The following KIAA0319 variants were observed in gnomAD, a reference collection of about 807,000 sequenced individuals.
KIAA0319 encodes dyslexia-associated protein KIAA0319.
In KIAA0319, 83 loss-of-function variants were observed where a neutral mutation model predicts 108.4. The ratio of observed to expected loss-of-function variants is 0.77; its 90% CI spans 0.64 to 0.92. KIAA0319 has a LOEUF of 0.92. KIAA0319 is among the 40% of genes least tolerant of loss of function. The pLI is 0.00. For missense variants in KIAA0319, 1,195 were observed against 1,322.4 expected (o/e 0.90, Z 1.49); for synonymous variants, 484 against 510.4 (o/e 0.95, Z 0.70).
chr6:24,633,182 G>C (rs1775791703), intron 1 of KIAA0319, among the ~76,000 whole-genome samples: 1 of 152,146 alleles, frequency 6.6e-6, no homozygotes, highest in African/African-American at 2.4e-5. Flanking sequence ...CTGGTGAAGG[G>C]TTAGCAAAGT....
chr6:24,580,261 G>T (rs113807554), intron 7 of KIAA0319, among the ~76,000 whole-genome samples: 1 of 152,118 alleles, frequency 6.6e-6, no homozygotes, highest in Non-Finnish European at 1.5e-5. Flanking sequence ...AGGGATTACA[G>T]TTCCAGCTCC....
intron 1 of KIAA0319, among the ~76,000 whole-genome samples, chr6:24,609,272 A>AG (rs1418209486): frequency 2.2e-5 from 3 of 135,406 alleles, no homozygotes; most frequent in Non-Finnish European, 4.8e-5. Flanking sequence ...TGTCTCAAAA[A>AG]CAAAAAAAAA....
At chr6:24,578,694 A>C (rs1361975305) in intron 8 of KIAA0319, among the ~76,000 whole-genome samples, 2 of 152,258 alleles carry the variant, frequency 1.3e-5, no homozygotes, top group African/African-American at 4.8e-5. Context: ...AATCCAGAGA[A>C]AGCTCACAGC....
chr6:24,617,856 G>A (rs946456052), intron 1 of KIAA0319, among the ~76,000 whole-genome samples: 14 of 152,028 alleles, frequency 9.2e-5, no homozygotes, highest in East Asian at 1.9e-4. Context: ...ATGTGGTGGC[G>A]CACACCTATA....
intron 1 of KIAA0319, among the ~76,000 whole-genome samples, chr6:24,609,325 T>C (rs912013235): frequency 7.3e-6 from 1 of 137,112 alleles, no homozygotes; most frequent in Non-Finnish European, 1.6e-5. Flanking sequence ...CGCAGTGGAA[T>C]CCCAGCACTT....
rs1371307668 is a variant in KIAA0319 at position 24,627,531 on chromosome 6, C to T, written c.-106+18205G>A. 2.6e-5 allele frequency among the ~76,000 whole-genome samples: 4 copies of T among 151,930 alleles called. No homozygotes were observed. In the South Asian group the frequency reaches 8.3e-4, roughly 32 times the overall value. On this transcript the variant is annotated intron_variant, in intron 1 of 20. Transcript: ENST00000378214. ...TCCTTCCTTGTTTTCTTCTGAAAGACATGATTATGGTCTGATAAACAGAGG... is the reference window on the plus strand; with the variant it reads ...TCCTTCCTTGTTTTCTTCTGAAAGATATGATTATGGTCTGATAAACAGAGG...
At chr6:24,597,294 G>T (rs996676309) in intron 2 of KIAA0319, among the ~76,000 whole-genome samples, 1 of 152,162 alleles carries the variant, frequency 6.6e-6, no homozygotes, top group Non-Finnish European at 1.5e-5. Context: ...TTTTAATGGT[G>T]GATAAATTGA....
chr6:24,557,415 A>T (rs1762460812), intron 17 of KIAA0319, among the ~76,000 whole-genome samples: 1 of 152,100 alleles, frequency 6.6e-6, no homozygotes, highest in African/African-American at 2.4e-5. Flanking sequence ...AGGCACGAGA[A>T]TCACTTGAAC....
At chr6:24,572,114 T>G (rs962232056) in intron 11 of KIAA0319, among the ~76,000 whole-genome samples, 1 of 152,256 alleles carries the variant, frequency 6.6e-6, no homozygotes, top group Non-Finnish European at 1.5e-5. Flanking sequence ...AGAAAAGTTC[T>G]AAGGCAAAGA....
intron 9 of KIAA0319, 117 bp from the exon 10 acceptor site, chr6:24,576,713 A>G (rs1335723617): frequency 1.3e-6 from 1 of 781,942 alleles, no homozygotes; most frequent in Non-Finnish European, 2.2e-6. Context: ...TGAGCCCAGG[A>G]GTTCTGAGAC....
At position 24,596,516 on chromosome 6, in the gene KIAA0319, G is replaced by A. The variant is rs1266494275; in HGVS notation, c.158C>T (p.Pro53Leu). The A allele has an allele frequency of 6.2e-7, 1 of 1,613,962 alleles. No individual in the cohort carries two copies. Among genetic ancestry groups the A allele is most frequent in the Non-Finnish European group, 8.5e-7 (1 of 1,180,044 alleles). ...GCAAGCGGCCGTGCAGTCTACGACA[G>A]GGAAGGTGTGAGACACCCGCATGAT... is the stretch of plus-strand genomic sequence containing the variant. ...TRIMRVSHTFPVVDCTAACCD... is the reference protein window; with the variant it reads ...TRIMRVSHTFLVVDCTAACCD... The change falls in exon 3 of 21, where the codon CCT (proline) becomes CTT (leucine). Residue 53 changes from proline to leucine, a missense_variant. Physicochemically the swap from Pro to Leu is moderately conservative, Grantham distance 98. Transcript: ENST00000378214.
At chr6:24,619,150 T>G (rs1300632025) in intron 1 of KIAA0319, among the ~76,000 whole-genome samples, 1 of 152,104 alleles carries the variant, frequency 6.6e-6, no homozygotes, top group East Asian at 1.9e-4. Flanking sequence ...AATGGGAGGC[T>G]GTATTATAGG....
intron 1 of KIAA0319, among the ~76,000 whole-genome samples, chr6:24,622,346 A>G (rs1337794626): frequency 6.6e-6 from 1 of 151,790 alleles, no homozygotes; most frequent in African/African-American, 2.4e-5. Context: ...AAGAACATGA[A>G]AAAGAAAGGC....
chr6:24,588,830 A>C (rs949050411), intron 3 of KIAA0319, 45 bp from the exon 4 acceptor site: 4 of 1,433,452 alleles, frequency 2.8e-6, no homozygotes, highest in African/African-American at 1.4e-5. Flanking sequence ...AAAAAAAAAC[A>C]GTCCAACTCT....
Position 24,564,359 on chromosome 6 carries a change from C to T in KIAA0319, c.2293-19G>A, listed in dbSNP as rs755703736. On this transcript the variant is annotated intron_variant, in intron 14 of 20. Transcript: ENST00000378214. ...TGACATCCTGCGAAAGAACACGGAT[C>T]ACAGGGCAGCTGTCAATCCTCGGGT... The T allele has an allele frequency of 4.3e-6, 7 of 1,613,866 alleles. No individual in the cohort carries two copies. The South Asian group carries it at 6.6e-5, about 15-fold the overall frequency.
At chr6:24,598,392 G>A in intron 2 of KIAA0319, 1 of 614,506 alleles carries the variant, frequency 1.6e-6, no homozygotes, top group Non-Finnish European at 3.1e-6. Context: ...AGGTGCTGGA[G>A]ACCAACTGGA....
Position 24,577,536 on chromosome 6 carries a change from G to A in KIAA0319, c.1505+574C>T, listed in dbSNP as rs142214430. On this transcript the variant is annotated intron_variant, in intron 9 of 20. Transcript: ENST00000378214. ...CAAATGGGTCACTTCATCCTTCTAC[G>A]TTAAAGATGGTGGTGGGAGCAGTGA... Among the ~76,000 whole-genome samples the A allele has an allele frequency of 1.6e-4, 24 of 152,328 alleles. No individual in the cohort carries two copies. The East Asian group carries it at 4.2e-3, about 27-fold the overall frequency.
intron 13 of KIAA0319, among the ~76,000 whole-genome samples, chr6:24,567,122 T>C (rs1561949092): frequency 1.3e-5 from 2 of 152,016 alleles, no homozygotes; most frequent in Admixed American, 6.6e-5. Flanking sequence ...TTTGTACTGG[T>C]CCACACTATC....
At chr6:24,560,210 G>A (rs549127696) in intron 16 of KIAA0319, among the ~76,000 whole-genome samples, 57 of 152,276 alleles carry the variant, frequency 3.7e-4, no homozygotes, top group African/African-American at 1.2e-3. Context: ...TTTTTATTGA[G>A]TATATACCTA....
Sources: gnomAD v4.1 joint callset for allele counts (sites outside exome capture counted in the v4.1 genomes callset) on GRCh38, gnomAD v4.1.1 for gene constraint, MANE v1.5 for transcripts, NCBI Gene and HGNC (gene_info 2026-07-23, HGNC 2026-07-21) for gene names.